POC1A: variants seen among roughly 807,000 people sequenced by gnomAD.
POC1A encodes the protein POC1 centriolar protein A, also known as POC1 centriolar protein homolog A.
POC1A carries 34 observed loss-of-function variants against 47.8 expected under a neutral mutation model. That is an observed-to-expected ratio of 0.71 (90% CI 0.54 to 0.95). The LOEUF (loss-of-function observed/expected upper bound fraction) is 0.95, where lower values mean the gene tolerates loss of function less well. Among genes scored for constraint, POC1A ranks in the 40% least tolerant of loss-of-function variants. POC1A has a pLI of 0.00. For missense variants in POC1A, 466 were observed against 528.3 expected (o/e 0.88, Z 1.16); for synonymous variants, 177 against 207.6 (o/e 0.85, Z 1.27).
At chr3:52,078,457 T>G (rs1702183431) in intron 10 of POC1A, among the ~76,000 whole-genome samples, 1 of 151,698 alleles carries the variant, frequency 6.6e-6, no homozygotes, top group African/African-American at 2.4e-5. Flanking sequence ...GACCTCATTT[T>G]CACAGAAAAT....
chr3:52,119,382 G>C (rs1703684879), intron 9 of POC1A, among the ~76,000 whole-genome samples: 1 of 151,598 alleles, frequency 6.6e-6, no homozygotes. Context: ...ACATTTGGCA[G>C]CATCAGAAGA....
intron 6 of POC1A, among the ~76,000 whole-genome samples, chr3:52,141,670 G>A (rs1027959276): frequency 6.6e-6 from 1 of 152,152 alleles, no homozygotes; most frequent in Non-Finnish European, 1.5e-5. Flanking sequence ...ACAGGGTACA[G>A]GCCTGCCCTG....
intron 6 of POC1A, among the ~76,000 whole-genome samples, chr3:52,143,332 T>C (rs893055): frequency 0.27 from 41,203 of 151,782 alleles, 6,723 homozygotes; most frequent in East Asian, 0.44. Context: ...CCCTGCCCTC[T>C]GCCAAGCCTG....
intron 7 of POC1A, among the ~76,000 whole-genome samples, chr3:52,133,821 G>A (rs1704330034): frequency 6.6e-6 from 1 of 152,156 alleles, no homozygotes; most frequent in South Asian, 2.1e-4. Context: ...CCATGCCCAG[G>A]TCAAGGTCTG....
At chr3:52,076,754 T>C (rs1702126640) in intron 10 of POC1A, among the ~76,000 whole-genome samples, 2 of 152,252 alleles carry the variant, frequency 1.3e-5, no homozygotes, top group Non-Finnish European at 2.9e-5. Flanking sequence ...GTCAGGCAGA[T>C]CATGCTGCCT....
chr3:52,104,071 A>C (rs559435614), intron 9 of POC1A, among the ~76,000 whole-genome samples: 25 of 152,360 alleles, frequency 1.6e-4, no homozygotes, highest in Admixed American at 8.5e-4. Flanking sequence ...TATAATAGCC[A>C]AAAATTGCAA....
chr3:52,089,153 G>A (rs1702561897), intron 10 of POC1A, among the ~76,000 whole-genome samples: 1 of 151,806 alleles, frequency 6.6e-6, no homozygotes, highest in Non-Finnish European at 1.5e-5. Context: ...AGTGCTGTTC[G>A]CAGGCTGCAT....
chr3:52,113,197 T>C (rs1190736556), intron 9 of POC1A, among the ~76,000 whole-genome samples: 1 of 152,196 alleles, frequency 6.6e-6, no homozygotes, highest in Admixed American at 6.5e-5. Flanking sequence ...TCCTCCCCCA[T>C]GGGAAACTTA....
At chr3:52,152,565 T>C (rs931372802) in intron 1 of POC1A, among the ~76,000 whole-genome samples, 1 of 151,856 alleles carries the variant, frequency 6.6e-6, no homozygotes, top group Non-Finnish European at 1.5e-5. Flanking sequence ...GTGAGACTCC[T>C]AATCAAAAAA....
chr3:52,076,216 G>A (rs1029719167), intron 10 of POC1A, among the ~76,000 whole-genome samples: 14 of 152,318 alleles, frequency 9.2e-5, no homozygotes, highest in African/African-American at 3.1e-4. Context: ...TTTGTGGGCA[G>A]GGGGTGGGGA....
chr3:52,119,551 T>G (rs1703692926), intron 9 of POC1A, among the ~76,000 whole-genome samples: 1 of 152,062 alleles, frequency 6.6e-6, no homozygotes. Flanking sequence ...AGTGCCACCA[T>G]GCTCAACTAA....
chr3:52,149,822 G>A lies in POC1A; in HGVS notation c.269C>T (p.Pro90Leu). The A allele has an allele frequency of 6.2e-7, 1 of 1,613,222 alleles. No individual in the cohort carries two copies. Among genetic ancestry groups the A allele is most frequent in the African/African-American group, 1.3e-5 (1 of 75,012 alleles). The change falls in exon 3 of 11, where the codon CCC becomes CTC. Residue 90 changes from proline (P) to leucine (L), a missense_variant. By Grantham distance (98) the Pro-to-Leu change is moderately conservative. Coordinates refer to ENST00000296484, the MANE Select transcript of POC1A (RefSeq NM_015426.5). The part of the protein sequence containing the change: ...SRDKTVRIWV[P>L]NVKGESTVFR... ...CTCAAAGTGTACGACTCACACATTGGGTACCCAGATGCGGACAGTCTTGTC... is the reference window on the plus strand; with the variant it reads ...CTCAAAGTGTACGACTCACACATTGAGTACCCAGATGCGGACAGTCTTGTC...
chr3:52,085,776 A>C (rs969406638), intron 10 of POC1A, among the ~76,000 whole-genome samples: 1 of 152,374 alleles, frequency 6.6e-6, no homozygotes, highest in East Asian at 1.9e-4. Context: ...TCAGGGCTTC[A>C]GTTTCTTTGT....
intron 1 of POC1A, among the ~76,000 whole-genome samples, chr3:52,151,785 A>G (rs946984029): frequency 5.3e-5 from 8 of 152,140 alleles, no homozygotes; most frequent in African/African-American, 1.9e-4. Context: ...GATACTCCTC[A>G]GATTGATCTA....
intron 7 of POC1A, among the ~76,000 whole-genome samples, chr3:52,134,223 G>A (rs1408352192): frequency 6.6e-6 from 1 of 151,908 alleles, no homozygotes; most frequent in Non-Finnish European, 1.5e-5. Context: ...AGGGAATGAA[G>A]GGGTTAAAAA....
At chr3:52,087,555 T>C (rs1702504291) in intron 10 of POC1A, among the ~76,000 whole-genome samples, 1 of 152,174 alleles carries the variant, frequency 6.6e-6, no homozygotes. Context: ...CAACCTCTAC[T>C]GAGGATTAGC....
chr3:52,090,383 G>A lies in POC1A; in HGVS notation c.1125+6186C>T, dbSNP rs1313047739. 6.6e-6 allele frequency among the ~76,000 whole-genome samples: 1 copy of A among 152,234 alleles called. No individual in the cohort carries two copies. On this transcript the variant is annotated intron_variant, in intron 10 of 10. Transcript: ENST00000296484. This position sits in a 1 kb window ranked among gnomAD's most constrained non-coding sequence, Gnocchi z 4.2. ...TTCTGAGGCAAAACCACCAAGCCGC[G>A]TGTTGGGCCTATGCCGGGCCCCCTC... is the stretch of plus-strand genomic sequence containing the variant.
chr3:52,153,682 C>T (rs547236250), intron 1 of POC1A, among the ~76,000 whole-genome samples: 1 of 152,380 alleles, frequency 6.6e-6, no homozygotes, highest in East Asian at 1.9e-4. Context: ...TGGGCCTCAT[C>T]TCCCTCAACA....
At chr3:52,147,961 A>G (rs1240856537) in intron 4 of POC1A, among the ~76,000 whole-genome samples, 1 of 152,144 alleles carries the variant, frequency 6.6e-6, no homozygotes, top group Non-Finnish European at 1.5e-5. Flanking sequence ...ATAAACAAAA[A>G]GAAAAGAAAA....
Sources: gnomAD v4.1 joint callset for allele counts (sites outside exome capture counted in the v4.1 genomes callset) on GRCh38, gnomAD v4.1.1 for gene constraint, Gnocchi (gnomAD v3.1) non-coding constraint, MANE v1.5 for transcripts, NCBI Gene and HGNC (gene_info 2026-07-23, HGNC 2026-07-21) for gene names.